Variants in PPP1R16A observed in about 807,000 individuals in gnomAD.
PPP1R16A encodes the protein myosin phosphatase-targeting subunit 3.
A neutral mutation model predicts 46.6 loss-of-function variants in PPP1R16A; 39 were observed. The ratio of observed to expected loss-of-function variants is 0.84; its 90% CI spans 0.65 to 1.09. The LOEUF (loss-of-function observed/expected upper bound fraction) is 1.09. Ranked by LOEUF, PPP1R16A falls within the 50% of genes least tolerant of loss-of-function variation. The pLI is 0.00. For missense variants in PPP1R16A, 798 were observed against 735.6 expected (o/e 1.08, Z -0.98); for synonymous variants, 413 against 321.5 (o/e 1.28, Z -3.04).
In PPP1R16A at chr8:144,501,244, G is replaced by A. The variant is rs1444003602; in HGVS notation, c.1153G>A (p.Asp385Asn). Reference sequence around the variant, plus strand: ...GCCCACCAGCCCGGAGCCGCCCGAGGACAACGATGACCGCCAGACAGGCGC... The same window carrying A: ...GCCCACCAGCCCGGAGCCGCCCGAGAACAACGATGACCGCCAGACAGGCGC... ...PPPTSPEPPE[D>N]NDDRQTGAEL... Residue 385 changes from aspartate (D) to asparagine (N), a missense_variant, in exon 11 of 12, where the codon GAC (aspartate) becomes AAC (asparagine). Physicochemically the swap from Asp to Asn is conservative, Grantham distance 23 (BLOSUM62 1). Coordinates refer to ENST00000435887, the MANE Select transcript of PPP1R16A (RefSeq NM_001329443.2). The A allele has an allele frequency of 5.0e-6, 8 of 1,604,688 alleles. No individual in the cohort carries two copies. The highest frequency in any genetic ancestry group is 3.3e-5 in the South Asian group (3 of 90,722).
chr8:144,500,438 C>T lies in PPP1R16A; in HGVS notation c.705+47C>T, dbSNP rs1047824038. 2.0e-6 allele frequency: 3 copies of T among 1,533,858 alleles called. No individual in the cohort carries two copies. In the African/African-American group the frequency reaches 4.1e-5, roughly 21 times the overall value. ...GCACACGGGGCTGGGGGCCTCGCTA[C>T]TTGGAGGTGGGGGATGGGGCCGAAT... On this transcript the variant is annotated intron_variant, in intron 7 of 11. Transcript: ENST00000435887.
chr8:144,490,067 G>A lies in PPP1R16A; in HGVS notation c.-880G>A, dbSNP rs67607986. 0.096 allele frequency: 14,609 copies of A among 152,396 alleles called. 898 individuals are homozygous for A. The highest frequency in any genetic ancestry group is 0.16 in the African/African-American group (6,583 of 41,538). The allele number at this position is 152,396 out of a possible 1,614,324, so 9.4% of individuals were successfully genotyped here. Reference sequence around the variant, plus strand: ...ACACGGATGAGGAGTCGTAGAAGAGGGGCCTGCAGATTGTGCTCTCAGCAA... The same window carrying A: ...ACACGGATGAGGAGTCGTAGAAGAGAGGCCTGCAGATTGTGCTCTCAGCAA... On this transcript the variant is annotated 5_prime_UTR_variant, in exon 2 of 12. Coordinates refer to ENST00000435887, the MANE Select transcript of PPP1R16A (RefSeq NM_001329443.2).
Position 144,500,151 on chromosome 8 carries a change from G to A in PPP1R16A, c.532G>A (p.Asp178Asn), listed in dbSNP as rs758693550. 6.2e-7 allele frequency: 1 copy of A among 1,612,296 alleles called. No individual in the cohort carries two copies. Among genetic ancestry groups the A allele is most frequent in the African/African-American group, 1.3e-5 (1 of 75,038 alleles). ...TDGNMPYDLC[D>N]DEQTLDCLET... ...CGGGAACATGCCCTATGACCTGTGT[G>A]ATGATGAGCAGACGCTGGACTGCCT... The change falls in exon 6 of 12, where the codon GAT becomes AAT. Residue 178 changes from aspartate to asparagine, a missense_variant. Coordinates refer to ENST00000435887, the MANE Select transcript of PPP1R16A (RefSeq NM_001329443.2).
At chr8:144,485,416 C>T (rs1244236863) in intron 1 of PPP1R16A, among the ~76,000 whole-genome samples, 3 of 150,954 alleles carry the variant, frequency 2.0e-5, no homozygotes, top group Admixed American at 6.6e-5. Flanking sequence ...CCCAGCTACC[C>T]GGGAGGCTGA....
At chr8:144,485,535 AAAC>A (rs1281491745) in intron 1 of PPP1R16A, among the ~76,000 whole-genome samples, 1 of 151,568 alleles carries the variant, frequency 6.6e-6, no homozygotes, top group Non-Finnish European at 1.5e-5. Flanking sequence ...GGAAAAAAAA[AAAC>A]AATAGATAAA....
In PPP1R16A at chr8:144,497,304, G is replaced by T. The variant is rs1173738835; in HGVS notation, c.110G>T (p.Trp37Leu). ...QKRRAQQVKM[W>L]AQAEKEAQGK... ...CGGCGCGCCCAGCAGGTGAAGATGT[G>T]GGCCCAGGCTGAGAAGGAGGCCCAG... The change falls in exon 3 of 12, where the codon TGG (tryptophan) becomes TTG (leucine). Residue 37 changes from tryptophan to leucine, a missense_variant. Transcript: ENST00000435887. 1 of 1,612,426 alleles carries T rather than the reference G, an allele frequency of 6.2e-7. No homozygotes were observed. Among genetic ancestry groups the T allele is most frequent in the South Asian group, 1.1e-5 (1 of 91,048 alleles).
At chr8:144,488,606 G>T (rs893919973) in intron 1 of PPP1R16A, among the ~76,000 whole-genome samples, 1 of 152,142 alleles carries the variant, frequency 6.6e-6, no homozygotes, top group Non-Finnish European at 1.5e-5. Flanking sequence ...TAGAGAAGAG[G>T]TCAAGGCTCA....
rs2130455105 is a variant in PPP1R16A at position 144,497,087 on chromosome 8, C to T, written c.-108C>T. On this transcript the variant is annotated 5_prime_UTR_variant, in exon 3 of 12. Transcript: ENST00000435887. ...GCACGAAGCTCTGGGAAGGGGATGC[C>T]CCCGAGGGTGCCAGTCCAGCTAGCT... 1.4e-6 allele frequency: 2 copies of T among 1,434,120 alleles called. No homozygotes were observed. The highest frequency in any genetic ancestry group is 2.5e-5 in the East Asian group (1 of 40,188). The allele number at this position is 1,434,120 out of a possible 1,614,324, so 88.8% of individuals were successfully genotyped here. A position where few individuals can be genotyped will look rare whatever the true frequency, so the allele number is the denominator to read the frequency against.
chr8:144,489,570 G>A (rs932235424), intron 1 of PPP1R16A, among the ~76,000 whole-genome samples: 3 of 152,148 alleles, frequency 2.0e-5, no homozygotes, highest in African/African-American at 7.2e-5. Flanking sequence ...GAAACTTAAT[G>A]CTGGGGCCTC....
chr8:144,501,726 AC>A lies in PPP1R16A; in HGVS notation c.1415del (p.Pro472HisfsTer20). On this transcript the variant is annotated frameshift_variant, in exon 12 of 12. Transcript: ENST00000435887. LOFTEE classifies it low-confidence loss of function (END_TRUNC). Reference protein sequence around the residue: ...RQRAAAKLQRPPPEGPESPET... With the variant: ...RQRAAAKLQRXPPEGPESPET... The stretch of plus-strand genomic sequence containing the variant: ...AGCGAGCTGCTGCCAAGCTGCAGCG[AC>A]CCCCACCTGAGGGGCCCGAGAGCCC... 1.3e-6 allele frequency: 2 copies of A among 1,587,506 alleles called. No individual in the cohort carries two copies. The highest frequency in any genetic ancestry group is 1.1e-5 in the South Asian group (1 of 87,404).
intron 1 of PPP1R16A, among the ~76,000 whole-genome samples, chr8:144,483,100 C>T (rs891561095): frequency 7.9e-5 from 12 of 152,136 alleles, no homozygotes; most frequent in African/African-American, 2.4e-4. Context: ...ATTTCTTTTG[C>T]GTATGTACCC....
chr8:144,481,180 C>T (rs990889411), intron 1 of PPP1R16A, among the ~76,000 whole-genome samples: 1 of 151,908 alleles, frequency 6.6e-6, no homozygotes, highest in East Asian at 1.9e-4. Flanking sequence ...GTGACCACCG[C>T]GCCCGGCCTG....
At position 144,499,172 on chromosome 8, in the gene PPP1R16A, C is replaced by T. The variant is rs560259810; in HGVS notation, c.476+111C>T. Reference sequence around the variant, plus strand: ...TCTCGGCCTCCTGTGTTCCCGCCTTCACCTTTGCTGACCCTGCCTGTGTCC... The same window carrying T: ...TCTCGGCCTCCTGTGTTCCCGCCTTTACCTTTGCTGACCCTGCCTGTGTCC... On this transcript the variant is annotated intron_variant, in intron 5 of 11. Transcript: ENST00000435887. 62 of 1,334,430 alleles carry T rather than the reference C, an allele frequency of 4.6e-5. 1 individual carries two copies. Among genetic ancestry groups the T allele is most frequent in the South Asian group, 1.5e-4 (10 of 66,108 alleles). The allele number at this position is 1,334,430 out of a possible 1,614,324, so 82.7% of individuals were successfully genotyped here. A position where few individuals can be genotyped will look rare whatever the true frequency, so the allele number is the denominator to read the frequency against.
chr8:144,498,258 A>C lies in PPP1R16A; in HGVS notation c.260-512A>C, dbSNP rs1414919467. ...CTGCACCCCAGGCACCGTCAGGGAG[A>C]ACCCTGGTGACCTGGGCGAGAGCTG... On this transcript the variant is annotated intron_variant, in intron 3 of 11. Coordinates refer to ENST00000435887, the MANE Select transcript of PPP1R16A (RefSeq NM_001329443.2). 6 of 362,352 alleles carry C rather than the reference A, an allele frequency of 1.7e-5. No individual in the cohort carries two copies. The Admixed American group carries it at 2.0e-4, about 12-fold the overall frequency. 22.4% of individuals were successfully genotyped at this position (362,352 alleles called of 1,614,324 possible).
rs761540978 is a variant in PPP1R16A, at chr8:144,501,565, G to C, written c.1249G>C (p.Gly417Arg). The change falls in exon 12 of 12, where the codon GGC (glycine) becomes CGC (arginine). Residue 417 changes from glycine to arginine, a missense_variant. Gly to Arg is a moderately radical substitution (Grantham distance 125). Coordinates refer to ENST00000435887, the MANE Select transcript of PPP1R16A (RefSeq NM_001329443.2). ...VVRPHNGRVG[G>R]SPVRHLYSKR... ...CAGGCCGCACAATGGCCGAGTAGGGGGCTCCCCAGTGCGGCATCTATACTC... is the reference window on the plus strand; with the variant it reads ...CAGGCCGCACAATGGCCGAGTAGGGCGCTCCCCAGTGCGGCATCTATACTC... 1.3e-6 allele frequency: 2 copies of C among 1,592,254 alleles called. No homozygotes were observed. Among genetic ancestry groups the C allele is most frequent in the Admixed American group, 3.5e-5 (2 of 57,354 alleles).
chr8:144,478,510 T>G, intron 1 of PPP1R16A: 2 of 186,392 alleles, frequency 1.1e-5, no homozygotes, highest in Non-Finnish European at 2.2e-5. Flanking sequence ...TCGCGTTTTG[T>G]TCCAAGGCGA....
chr8:144,500,781 C>A lies in PPP1R16A; in HGVS notation c.907+20C>A. Reference sequence around the variant, plus strand: ...CCCTTGGTGAGCTTGCGGGGCCCACCTCCACCTGGGGGAGAGGACAGGCGG... The same window carrying A: ...CCCTTGGTGAGCTTGCGGGGCCCACATCCACCTGGGGGAGAGGACAGGCGG... On this transcript the variant is annotated intron_variant, in intron 9 of 11. Coordinates refer to ENST00000435887, the MANE Select transcript of PPP1R16A (RefSeq NM_001329443.2). The A allele has an allele frequency of 6.2e-7, 1 of 1,609,352 alleles. No homozygotes were observed. The highest frequency in any genetic ancestry group is 8.5e-7 in the Non-Finnish European group (1 of 1,178,690).
At chr8:144,478,731 G>A (rs1319754050) in intron 1 of PPP1R16A, 1 of 152,242 alleles carries the variant, frequency 6.6e-6, no homozygotes. Context: ...CTTGTAGTGC[G>A]GGGCGTCCGG....
At chr8:144,486,928 T>G (rs956539105) in intron 1 of PPP1R16A, among the ~76,000 whole-genome samples, 2 of 152,242 alleles carry the variant, frequency 1.3e-5, no homozygotes, top group Non-Finnish European at 2.9e-5. Context: ...GTAGAAGTGC[T>G]ATTATTTTAC....
Sources: allele counts gnomAD v4.1 joint callset (sites outside exome capture counted in the v4.1 genomes callset), GRCh38; gene constraint gnomAD v4.1.1; transcripts MANE v1.5; gene names NCBI Gene and HGNC (gene_info 2026-07-23, HGNC 2026-07-21).